LARS2: variants seen among roughly 807,000 people sequenced by gnomAD.
LARS2 encodes leucine--tRNA ligase, mitochondrial.
LARS2 carries 81 observed loss-of-function variants against 116.6 expected under a neutral mutation model. The ratio of observed to expected loss-of-function variants is 0.69; its 90% CI spans 0.58 to 0.84. The LOEUF is 0.84. LARS2 is among the 40% of genes least tolerant of loss of function. The pLI, the probability that LARS2 is intolerant of heterozygous loss-of-function variation, is 0.00. For synonymous variants in LARS2, 396 were observed against 407.2 expected, an observed-to-expected ratio of 0.97 and a Z score of 0.33; for missense variants, 968 against 1,114.5, an observed-to-expected ratio of 0.87 and a Z score of 1.87.
At chr3:45,419,627 TC>T (rs1377495844) in intron 5 of LARS2, 41 bp from the exon 6 acceptor site, 4 of 1,426,528 alleles carry the variant, frequency 2.8e-6, no homozygotes, top group Non-Finnish European at 3.0e-6. Context: ...ATGGCTTTAA[TC>T]CCCTCTCTAA....
chr3:45,447,897 G>A (rs1365179908), intron 7 of LARS2, among the ~76,000 whole-genome samples: 1 of 152,098 alleles, frequency 6.6e-6, no homozygotes, highest in Non-Finnish European at 1.5e-5. Flanking sequence ...TGTCCAGGAT[G>A]ATAGCCACTA....
Position 45,470,485 on chromosome 3 carries a change from C to T in LARS2, c.751-3758C>T, listed in dbSNP as rs76558578. Among the ~76,000 whole-genome samples the T allele has an allele frequency of 2.5e-4, 38 of 152,280 alleles. No homozygotes were observed. In the East Asian group the frequency reaches 6.4e-3, roughly 26 times the overall value. On this transcript the variant is annotated intron_variant, in intron 8 of 21. Transcript: ENST00000645846. ...CTGTTTCAATTTCTTCAAACATCTT[C>T]GTTCAGATGGTGTACCCTAGAGTGA...
At chr3:45,478,918 T>C (rs1699656514) in intron 10 of LARS2, among the ~76,000 whole-genome samples, 1 of 152,252 alleles carries the variant, frequency 6.6e-6, no homozygotes, top group South Asian at 2.1e-4. Flanking sequence ...ATGCCTCTTC[T>C]GGCCTTTGGG....
chr3:45,538,236 G>A (rs1386930457), intron 20 of LARS2: 2 of 152,206 alleles, frequency 1.3e-5, no homozygotes, highest in African/African-American at 4.8e-5. Context: ...CTATAAATAA[G>A]CATCCTGACT....
chr3:45,390,841 A>ACGTGGTTTCAC (rs1559452560), intron 1 of LARS2, among the ~76,000 whole-genome samples: 1 of 149,858 alleles, frequency 6.7e-6, no homozygotes, highest in Admixed American at 6.7e-5. Flanking sequence ...TTTAGTAGAG[A>ACGTGGTTTCAC]CGTGGTTTCA....
At chr3:45,519,871 C>A in intron 18 of LARS2, 1 of 189,034 alleles carries the variant, frequency 5.3e-6, no homozygotes, top group Non-Finnish European at 1.1e-5. Context: ...TGGTCTCGAA[C>A]TCTTGACCTC....
At chr3:45,445,523 G>C (rs898532313) in intron 6 of LARS2, among the ~76,000 whole-genome samples, 8 of 152,178 alleles carry the variant, frequency 5.3e-5, no homozygotes, top group African/African-American at 1.9e-4. Context: ...GCCAGAGCAG[G>C]CTGCGTCGTA....
intron 20 of LARS2, among the ~76,000 whole-genome samples, chr3:45,538,001 GTGTGTC>G (rs1700734113): frequency 6.6e-6 from 1 of 152,228 alleles, no homozygotes; most frequent in Non-Finnish European, 1.5e-5. Context: ...TGTTTAGACT[GTGTGTC>G]CTGAAGGCCA....
intron 8 of LARS2, among the ~76,000 whole-genome samples, chr3:45,465,038 C>G (rs1451878577): frequency 2.0e-5 from 3 of 152,078 alleles, no homozygotes; most frequent in East Asian, 1.9e-4. Flanking sequence ...GAGCCCATGC[C>G]GGCTCTGGAC....
chr3:45,405,305 C>CA (rs1698217344), intron 4 of LARS2, among the ~76,000 whole-genome samples: 1 of 152,142 alleles, frequency 6.6e-6, no homozygotes, highest in Non-Finnish European at 1.5e-5. Flanking sequence ...TTTAGGTCTA[C>CA]AGCCTATAAG....
At chr3:45,415,355 A>G (rs182411149) in intron 4 of LARS2, among the ~76,000 whole-genome samples, 21 of 152,308 alleles carry the variant, frequency 1.4e-4, no homozygotes, top group Admixed American at 1.3e-3. Context: ...GGCCAACATT[A>G]TATACAGCAC....
chr3:45,395,705 CA>C (rs578002503), intron 3 of LARS2, among the ~76,000 whole-genome samples: 115 of 152,244 alleles, frequency 7.6e-4, no homozygotes, highest in African/African-American at 2.7e-3. Flanking sequence ...CTGATTCGGT[CA>C]ACACATTCAT....
At chr3:45,509,116 G>A (rs1700243071) in intron 15 of LARS2, among the ~76,000 whole-genome samples, 1 of 152,126 alleles carries the variant, frequency 6.6e-6, no homozygotes, top group African/African-American at 2.4e-5. Flanking sequence ...GAAGAAAGCT[G>A]ACTCAGAAAT....
At chr3:45,529,040 T>C (rs998638723) in intron 20 of LARS2, among the ~76,000 whole-genome samples, 1 of 152,076 alleles carries the variant, frequency 6.6e-6, no homozygotes, top group Admixed American at 6.6e-5. Context: ...GGCTAATTTT[T>C]GTATTTTTGG....
intron 7 of LARS2, among the ~76,000 whole-genome samples, chr3:45,456,253 TAC>T (rs1350025100): frequency 3.9e-5 from 6 of 152,252 alleles, no homozygotes; most frequent in African/African-American, 1.2e-4. Context: ...ATTCTATAAA[TAC>T]AGTTATGATT....
chr3:45,512,351 T>C (rs1035842254), intron 15 of LARS2, among the ~76,000 whole-genome samples: 1 of 152,214 alleles, frequency 6.6e-6, no homozygotes, highest in African/African-American at 2.4e-5. Context: ...CAAAATTGAA[T>C]CAGGCAGATT....
At chr3:45,444,486 AC>A (rs201502558) in intron 6 of LARS2, among the ~76,000 whole-genome samples, 137,841 of 137,876 alleles carry the variant, frequency 1, 68,903 homozygotes, top group African/African-American at 1. Context: ...AAACGGTGAA[AC>A]CCCCATCTCT....
At position 45,446,956 on chromosome 3, in the gene LARS2, G is replaced by T. The variant is rs537797830; in HGVS notation, c.582G>T (p.Glu194Asp). The T allele has an allele frequency of 3.7e-6, 6 of 1,606,852 alleles. No homozygotes were observed. The Admixed American group carries it at 1.0e-4, about 27-fold the overall frequency. ...WTQYLFIKLY[E>D]AGLAYQKEAL... The stretch of plus-strand genomic sequence containing the variant: ...AGTATCTCTTTATTAAACTGTATGA[G>T]GCTGGGCTGGCCTATCAAAAGGAGG... The change falls in exon 7 of 22, where the codon GAG becomes GAT. Residue 194 changes from glutamate to aspartate, a missense_variant. Coordinates refer to ENST00000645846, the MANE Select transcript of LARS2 (RefSeq NM_015340.4).
chr3:45,478,101 G>A (rs1056463385), intron 10 of LARS2, among the ~76,000 whole-genome samples: 2 of 152,090 alleles, frequency 1.3e-5, no homozygotes, highest in African/African-American at 4.8e-5. Context: ...TTTGCAATAT[G>A]TATTGAAATA....
Sources: gnomAD v4.1 joint callset for allele counts (sites outside exome capture counted in the v4.1 genomes callset) on GRCh38, gnomAD v4.1.1 for gene constraint, MANE v1.5 for transcripts, NCBI Gene and HGNC (gene_info 2026-07-23, HGNC 2026-07-21) for gene names.